The following PRKG1 variants were observed in gnomAD, a reference collection of about 807,000 sequenced individuals.
PRKG1 encodes the protein protein kinase cGMP-dependent 1, also known as cGMP-dependent protein kinase 1.
In PRKG1, 35 loss-of-function variants were observed where a neutral mutation model predicts 88.1. That is an observed-to-expected ratio of 0.40 (90% CI 0.30 to 0.53). PRKG1 has a LOEUF of 0.53. Ranked by LOEUF, PRKG1 falls within the 20% of genes least tolerant of loss-of-function variation. PRKG1 has a pLI of 0.59. For missense variants in PRKG1, 540 were observed against 839.8 expected (o/e 0.64, Z 4.41); for synonymous variants, 303 against 292.5 (o/e 1.04, Z -0.37).
chr10:51,827,213 C>A (rs769115032), intron 4 of PRKG1, among the ~76,000 whole-genome samples: 3 of 151,812 alleles, frequency 2.0e-5, no homozygotes, highest in African/African-American at 4.8e-5. Context: ...CAGCCATTTT[C>A]GTATATACCC....
At chr10:51,011,047 C>T (rs1358267512) in intron 1 of PRKG1, among the ~76,000 whole-genome samples, 1 of 152,118 alleles carries the variant, frequency 6.6e-6, no homozygotes, top group African/African-American at 2.4e-5. Context: ...TCCAGTGGAT[C>T]CTAGCACATC....
At chr10:51,729,558 T>A (rs1842221124) in intron 3 of PRKG1, among the ~76,000 whole-genome samples, 1 of 151,444 alleles carries the variant, frequency 6.6e-6, no homozygotes, top group Admixed American at 6.6e-5. Flanking sequence ...AATACAAAAA[T>A]TAGCTGGGCA....
chr10:51,663,319 C>G (rs1184145896), intron 3 of PRKG1, among the ~76,000 whole-genome samples: 2 of 152,078 alleles, frequency 1.3e-5, no homozygotes, highest in African/African-American at 4.8e-5. Context: ...TCACCAAGGC[C>G]AGTTTCCTGT....
chr10:51,981,950 A>C (rs1301179165), intron 5 of PRKG1, among the ~76,000 whole-genome samples: 2 of 152,124 alleles, frequency 1.3e-5, no homozygotes, highest in Non-Finnish European at 2.9e-5. Flanking sequence ...CAGGGACACC[A>C]GTGAGTTGTG....
intron 5 of PRKG1, among the ~76,000 whole-genome samples, chr10:52,052,756 T>C (rs1846020898): frequency 6.6e-6 from 1 of 152,098 alleles, no homozygotes; most frequent in Admixed American, 6.6e-5. Flanking sequence ...ACGGCTCTCA[T>C]GATTCAATTA....
In PRKG1 at chr10:51,637,468, T is replaced by G. The variant is rs568767926; in HGVS notation, c.593-167117T>G. 7.5e-4 allele frequency among the ~76,000 whole-genome samples: 114 copies of G among 152,362 alleles called. 2 individuals are homozygous for G. In the South Asian group the frequency reaches 0.023, roughly 31 times the overall value. ...ATTCTATTATAAAGATACGCATATG[T>G]ATGCGTTCATTGCAGTATTATTCAC... is the stretch of plus-strand genomic sequence containing the variant. On this transcript the variant is annotated intron_variant, in intron 3 of 17. Transcript: ENST00000373980.
intron 5 of PRKG1, chr10:51,908,725 C>CTATCTATCTATCTATATATATATA (rs1299574623): frequency 9.9e-5 from 6 of 60,576 alleles, no homozygotes; most frequent in Non-Finnish European, 1.5e-4. Flanking sequence ...GTCTATCTAT[C>CTATCTATCTATCTATATATATATA]TATATGTAAT....
At chr10:51,293,392 T>A (rs931272984) in intron 2 of PRKG1, among the ~76,000 whole-genome samples, 4 of 152,106 alleles carry the variant, frequency 2.6e-5, no homozygotes, top group Non-Finnish European at 5.9e-5. Context: ...GTTAACCAGC[T>A]CCTGGCAACC....
chr10:52,144,548 T>A (rs909871358), intron 8 of PRKG1, among the ~76,000 whole-genome samples: 1 of 152,180 alleles, frequency 6.6e-6, no homozygotes, highest in African/African-American at 2.4e-5. Flanking sequence ...CAGTGGCTCA[T>A]GCCTGTAATC....
intron 2 of PRKG1, among the ~76,000 whole-genome samples, chr10:51,154,710 C>G (rs182891078): frequency 2.0e-4 from 30 of 151,914 alleles, no homozygotes; most frequent in Admixed American, 3.3e-4. Context: ...TTTTCACCTT[C>G]TATGTCAACA....
intron 3 of PRKG1, among the ~76,000 whole-genome samples, chr10:51,561,394 T>A (rs1392092226): frequency 2.6e-5 from 4 of 152,046 alleles, no homozygotes; most frequent in Non-Finnish European, 5.9e-5. Context: ...CCCATTTAAC[T>A]TGAAAAAATT....
At chr10:51,119,841 T>C (rs953140676) in intron 1 of PRKG1, among the ~76,000 whole-genome samples, 13 of 152,098 alleles carry the variant, frequency 8.5e-5, no homozygotes, top group Admixed American at 2.6e-4. Flanking sequence ...TTTTAGTCAA[T>C]GTTCTAGAAA....
rs1842780873 is a variant in PRKG1, at chr10:50,991,421, AAGG to A, written c.49_51del (p.Glu17del). 4.4e-6 allele frequency: 7 copies of A among 1,578,584 alleles called. No homozygotes were observed. The highest frequency in any genetic ancestry group is 1.2e-5 in the South Asian group (1 of 85,994). ...AGACTTTGCCAAGATTCTCATGCTCAAGGAGGAGAGGATCAAAGAGCTGGAGAA... is the reference window on the plus strand; with the variant it reads ...AGACTTTGCCAAGATTCTCATGCTCAAGGAGAGGATCAAAGAGCTGGAGAA... On this transcript the variant is annotated inframe_deletion, in exon 1 of 18. Transcript: ENST00000401604. The surrounding 1 kb of genome is among the most constrained non-coding windows in gnomAD (Gnocchi z 4.5).
At chr10:51,906,517 A>G (rs539654484) in intron 4 of PRKG1, among the ~76,000 whole-genome samples, 5 of 152,268 alleles carry the variant, frequency 3.3e-5, no homozygotes, top group African/African-American at 9.6e-5. Flanking sequence ...GGGAGCTTCT[A>G]GGTCATAGGT....
intron 5 of PRKG1, among the ~76,000 whole-genome samples, chr10:51,912,318 T>A (rs974171481): frequency 4.6e-5 from 7 of 152,318 alleles, no homozygotes; most frequent in Non-Finnish European, 5.9e-5. Flanking sequence ...CTGGTTTTTA[T>A]TCTAAATGTA....
chr10:51,787,217 C>G (rs935845985), intron 3 of PRKG1, among the ~76,000 whole-genome samples: 2 of 152,102 alleles, frequency 1.3e-5, no homozygotes, highest in African/African-American at 2.4e-5. Context: ...AAGTTAAAGC[C>G]TTTTAAGTAA....
intron 2 of PRKG1, among the ~76,000 whole-genome samples, chr10:51,257,956 G>A (rs1042627727): frequency 1.3e-5 from 2 of 152,072 alleles, no homozygotes; most frequent in African/African-American, 4.8e-5. Context: ...TTTAATATAT[G>A]TCCCCTATTG....
chr10:52,255,218 C>T (rs1002597574), intron 10 of PRKG1, among the ~76,000 whole-genome samples: 16 of 151,978 alleles, frequency 1.1e-4, no homozygotes, highest in Admixed American at 2.6e-4. Flanking sequence ...TCTAGGTAAT[C>T]GTCTTCATTT....
At chr10:52,273,781 G>GTA (rs1330344046) in intron 12 of PRKG1, among the ~76,000 whole-genome samples, 1 of 152,042 alleles carries the variant, frequency 6.6e-6, no homozygotes, top group Non-Finnish European at 1.5e-5. Flanking sequence ...ATATCATAGT[G>GTA]TATATATTAT....
Sources: allele counts gnomAD v4.1 joint callset (sites outside exome capture counted in the v4.1 genomes callset), GRCh38; gene constraint gnomAD v4.1.1; non-coding constraint Gnocchi (gnomAD v3.1); transcripts MANE v1.5; gene names NCBI Gene and HGNC (gene_info 2026-07-23, HGNC 2026-07-21).